The following SUGCT variants were observed in gnomAD, a reference collection of about 807,000 sequenced individuals.
SUGCT encodes succinyl-CoA:glutarate CoA-transferase.
Under a neutral mutation model 55.0 loss-of-function variants are expected in SUGCT, and 41 were observed. The observed-to-expected ratio is 0.74, with a 90% CI of 0.58 to 0.97. SUGCT has a LOEUF of 0.97. SUGCT is among the 50% of genes least tolerant of loss of function. The pLI, the probability that SUGCT is intolerant of heterozygous loss-of-function variation, is 0.00. For missense variants in SUGCT, 568 were observed against 547.8 expected, an observed-to-expected ratio of 1.04 and a Z score of -0.37; for synonymous variants, 187 against 200.4, an observed-to-expected ratio of 0.93 and a Z score of 0.56.
At chr7:40,256,483 G>C (rs1447925501) in intron 7 of SUGCT, among the ~76,000 whole-genome samples, 1 of 152,160 alleles carries the variant, frequency 6.6e-6, no homozygotes, top group South Asian at 2.1e-4. Flanking sequence ...AAATAAATGA[G>C]ATCAGAGACA....
rs376753854 is a variant in SUGCT at position 40,291,218 on chromosome 7, C to T, written c.720+16562C>T. Among the ~76,000 whole-genome samples the T allele has an allele frequency of 3.6e-4, 55 of 151,966 alleles. 1 individual carries two copies. The East Asian group carries it at 4.5e-3, about 12-fold the overall frequency. ...GACACATGCACACGTGTGTTTATTG[C>T]GGCACTATTCACAATAGCAAAGACT... On this transcript the variant is annotated intron_variant, in intron 8 of 13. Transcript: ENST00000335693.
At chr7:40,949,812 A>G in the SUGCT span, among the ~76,000 whole-genome samples, 3 of 152,080 alleles carry the variant, frequency 2.0e-5, no homozygotes, top group Non-Finnish European at 4.4e-5. Flanking sequence ...CCACTGGTCT[A>G]TATCTCTGTT....
chr7:40,678,879 G>A (rs1036940223), intron 12 of SUGCT, among the ~76,000 whole-genome samples: 4 of 152,100 alleles, frequency 2.6e-5, no homozygotes, highest in Non-Finnish European at 4.4e-5. Flanking sequence ...ATTGCGAAGT[G>A]TTATTAAAAG....
chr7:40,154,678 A>T (rs1783794267), intron 1 of SUGCT, among the ~76,000 whole-genome samples: 1 of 152,002 alleles, frequency 6.6e-6, no homozygotes, highest in South Asian at 2.1e-4. Context: ...GCGGAAAGCT[A>T]CTCTGGCCTA....
intron 12 of SUGCT, among the ~76,000 whole-genome samples, chr7:40,542,731 A>C (rs767291693): frequency 6.6e-5 from 10 of 152,232 alleles, no homozygotes; most frequent in Admixed American, 2.0e-4. Flanking sequence ...CCTTCAAGTA[A>C]CAAATGGGTA....
At chr7:40,965,469 A>G in the SUGCT span, 5 of 152,212 alleles carry the variant, frequency 3.3e-5, no homozygotes, top group Admixed American at 3.3e-4. Flanking sequence ...AGGCAGAGTT[A>G]TATATTAATA....
the SUGCT span, among the ~76,000 whole-genome samples, chr7:40,943,636 T>C: frequency 6.6e-6 from 1 of 150,716 alleles, no homozygotes; most frequent in African/African-American, 2.4e-5. Flanking sequence ...CTGCATAGTA[T>C]TCATGGTGTA....
intron 9 of SUGCT, among the ~76,000 whole-genome samples, chr7:40,366,649 A>T (rs542712422): frequency 5.9e-5 from 9 of 152,164 alleles, no homozygotes; most frequent in Non-Finnish European, 1.0e-4. Context: ...ATGCAGCCAA[A>T]AGACACATGA....
chr7:40,658,706 C>T (rs1458449406), intron 12 of SUGCT, among the ~76,000 whole-genome samples: 3 of 152,026 alleles, frequency 2.0e-5, no homozygotes, highest in Non-Finnish European at 4.4e-5. Flanking sequence ...TATTTGAGTC[C>T]CCTTTGTTGT....
At chr7:40,949,370 A>G in the SUGCT span, among the ~76,000 whole-genome samples, 2 of 151,926 alleles carry the variant, frequency 1.3e-5, no homozygotes, top group Admixed American at 1.3e-4. Flanking sequence ...TTGTCAGATG[A>G]GTAGATTGCA....
At chr7:41,009,588 T>C in the SUGCT span, among the ~76,000 whole-genome samples, 166 of 110,908 alleles carry the variant, frequency 1.5e-3, no homozygotes, top group Middle Eastern at 5.0e-3. Flanking sequence ...ATCCATCCTT[T>C]CTTCCATCTA....
At chr7:40,285,668 A>G (rs529342795) in intron 8 of SUGCT, among the ~76,000 whole-genome samples, 1 of 152,232 alleles carries the variant, frequency 6.6e-6, no homozygotes, top group South Asian at 2.1e-4. Context: ...TGATAAAGAA[A>G]CCACCTGCAT....
chr7:40,826,985 T>C (rs1792345617), intron 13 of SUGCT, among the ~76,000 whole-genome samples: 1 of 152,172 alleles, frequency 6.6e-6, no homozygotes, highest in East Asian at 1.9e-4. Flanking sequence ...TTCTTTCACC[T>C]CCAAATCCAC....
chr7:40,156,030 T>C (rs1783876424), intron 1 of SUGCT, among the ~76,000 whole-genome samples: 1 of 152,036 alleles, frequency 6.6e-6, no homozygotes, highest in Non-Finnish European at 1.5e-5. Flanking sequence ...CTAATTTTTG[T>C]GTTTTTAGTA....
At chr7:40,675,946 T>G (rs1256430135) in intron 12 of SUGCT, among the ~76,000 whole-genome samples, 1 of 152,110 alleles carries the variant, frequency 6.6e-6, no homozygotes, top group Admixed American at 6.5e-5. Context: ...GCAGTCAGAT[T>G]GGAGAGGAGT....
intron 6 of SUGCT, among the ~76,000 whole-genome samples, chr7:40,204,034 G>T (rs1239016839): frequency 6.6e-6 from 1 of 151,884 alleles, no homozygotes; most frequent in Non-Finnish European, 1.5e-5. Context: ...AGTCACCTAG[G>T]CTGGAGTGCA....
chr7:40,367,422 T>A (rs915857620), intron 9 of SUGCT, among the ~76,000 whole-genome samples: 3 of 141,370 alleles, frequency 2.1e-5, no homozygotes, highest in South Asian at 2.3e-4. Context: ...ATAATAATAA[T>A]AAAATAAATA....
intron 13 of SUGCT, among the ~76,000 whole-genome samples, chr7:40,779,103 T>C (rs927321954): frequency 6.8e-6 from 1 of 146,288 alleles, no homozygotes; most frequent in East Asian, 2.3e-4. Context: ...CTGTCTCCGT[T>C]GATGTCTTTG....
chr7:40,215,604 T>C (rs886178911), intron 6 of SUGCT, among the ~76,000 whole-genome samples: 20 of 152,214 alleles, frequency 1.3e-4, no homozygotes, highest in Admixed American at 8.5e-4. Flanking sequence ...GGCTCATGCC[T>C]GTAATCCCAG....
Sources: allele counts gnomAD v4.1 joint callset (sites outside exome capture counted in the v4.1 genomes callset), GRCh38; gene constraint gnomAD v4.1.1; transcripts MANE v1.5; gene names NCBI Gene and HGNC (gene_info 2026-07-23, HGNC 2026-07-21).